The following NFIL3 variants were observed in gnomAD, a reference collection of about 807,000 sequenced individuals.
The protein encoded by NFIL3 is nuclear factor, interleukin 3 regulated, also known as nuclear factor interleukin-3-regulated protein.
A neutral mutation model predicts 10.0 loss-of-function variants in NFIL3; 5 were observed. That is an observed-to-expected ratio of 0.50 (90% CI 0.26 to 1.06). The LOEUF is 1.06. Among genes scored for constraint, NFIL3 ranks in the 50% least tolerant of loss-of-function variants. The pLI is 0.13. For missense variants in NFIL3, 436 were observed against 547.6 expected, an observed-to-expected ratio of 0.80 and a Z score of 2.03; for synonymous variants, 202 against 206.5, an observed-to-expected ratio of 0.98 and a Z score of 0.19.
At chr9:91,436,844 A>T in the NFIL3 span, among the ~76,000 whole-genome samples, 1 of 152,236 alleles carries the variant, frequency 6.6e-6, no homozygotes, top group Non-Finnish European at 1.5e-5. Flanking sequence ...ATAGTCAGTT[A>T]CAATTTCCTA....
chr9:91,455,655 G>A, the NFIL3 span, among the ~76,000 whole-genome samples: 1 of 152,122 alleles, frequency 6.6e-6, no homozygotes, highest in Non-Finnish European at 1.5e-5. Context: ...TTATTGATGT[G>A]TAATTGAATA....
At chr9:91,434,411 G>A in the NFIL3 span, among the ~76,000 whole-genome samples, 3 of 152,088 alleles carry the variant, frequency 2.0e-5, no homozygotes, top group Non-Finnish European at 4.4e-5. Flanking sequence ...ACATCATGTT[G>A]GAATCATTGG....
chr9:91,415,666 T>C (rs1833640678), intron 1 of NFIL3, among the ~76,000 whole-genome samples: 2 of 152,018 alleles, frequency 1.3e-5, no homozygotes, highest in Admixed American at 1.3e-4. Context: ...TTGCTCTTGT[T>C]GCCCAGGCTG....
At chr9:91,421,394 C>T (rs1159193361) in intron 1 of NFIL3, among the ~76,000 whole-genome samples, 4 of 151,946 alleles carry the variant, frequency 2.6e-5, no homozygotes, top group Non-Finnish European at 5.9e-5. Context: ...GGGTGGGCGG[C>T]GCAGCGGGGC....
At chr9:91,478,576 T>G in the NFIL3 span, among the ~76,000 whole-genome samples, 3 of 152,070 alleles carry the variant, frequency 2.0e-5, no homozygotes, top group Non-Finnish European at 4.4e-5. Context: ...TTCCTTGCAT[T>G]GGGTTAGAAC....
chr9:91,456,015 T>G, the NFIL3 span, among the ~76,000 whole-genome samples: 1 of 152,194 alleles, frequency 6.6e-6, no homozygotes, highest in South Asian at 2.1e-4. Flanking sequence ...TGTCTAAAAT[T>G]TCATGTAAGG....
At chr9:91,433,163 G>A in the NFIL3 span, among the ~76,000 whole-genome samples, 2 of 152,192 alleles carry the variant, frequency 1.3e-5, no homozygotes, top group African/African-American at 2.4e-5. Flanking sequence ...AAAAATAGAA[G>A]AATTCAGTAA....
the NFIL3 span, among the ~76,000 whole-genome samples, chr9:91,479,613 C>G: frequency 1.3e-5 from 2 of 152,186 alleles, no homozygotes; most frequent in African/African-American, 4.8e-5. Flanking sequence ...GAGCAAGACC[C>G]CTTGGCTCCC....
At chr9:91,481,431 C>T in the NFIL3 span, among the ~76,000 whole-genome samples, 2 of 152,116 alleles carry the variant, frequency 1.3e-5, no homozygotes. Flanking sequence ...TTTTGAGTCT[C>T]ATTTCATGTA....
the NFIL3 span, among the ~76,000 whole-genome samples, chr9:91,481,613 A>G: frequency 6.6e-6 from 1 of 151,132 alleles, no homozygotes. Context: ...ATATCACCAT[A>G]CTCTTTTCTA....
the NFIL3 span, among the ~76,000 whole-genome samples, chr9:91,444,584 T>A: frequency 1.3e-5 from 2 of 152,170 alleles, no homozygotes; most frequent in African/African-American, 4.8e-5. Flanking sequence ...TGGCTTTTGT[T>A]GGGAAAGATT....
At chr9:91,423,028 C>A (rs1275617720) in intron 1 of NFIL3, among the ~76,000 whole-genome samples, 1 of 152,168 alleles carries the variant, frequency 6.6e-6, no homozygotes, top group Admixed American at 6.5e-5. Flanking sequence ...AATCCCACAA[C>A]CTTCCCGAGG....
the NFIL3 span, among the ~76,000 whole-genome samples, chr9:91,435,006 C>T: frequency 2.6e-5 from 4 of 152,138 alleles, no homozygotes; most frequent in African/African-American, 7.2e-5. Context: ...TAACAGTATC[C>T]GTATGAGCCG....
intron 1 of NFIL3, among the ~76,000 whole-genome samples, chr9:91,416,916 C>T (rs1833668452): frequency 1.3e-5 from 2 of 152,050 alleles, no homozygotes; most frequent in South Asian, 4.1e-4. Context: ...CAAATTTATC[C>T]TTGAGGAGTT....
intron 1 of NFIL3, among the ~76,000 whole-genome samples, chr9:91,416,490 C>T (rs968004355): frequency 3.3e-5 from 5 of 152,210 alleles, no homozygotes; most frequent in Non-Finnish European, 5.9e-5. Flanking sequence ...TTCAAATCAA[C>T]ATCTAATGTT....
the NFIL3 span, among the ~76,000 whole-genome samples, chr9:91,482,460 T>C: frequency 5.6e-4 from 85 of 152,086 alleles, no homozygotes; most frequent in South Asian, 6.2e-4. Context: ...ATGATGATGA[T>C]GATGGTGATT....
chr9:91,440,184 A>G, the NFIL3 span, among the ~76,000 whole-genome samples: 1 of 151,968 alleles, frequency 6.6e-6, no homozygotes. Context: ...TATTTCTTCA[A>G]TCTCTTTGTT....
the NFIL3 span, among the ~76,000 whole-genome samples, chr9:91,448,428 C>T: frequency 6.6e-6 from 1 of 152,164 alleles, no homozygotes; most frequent in Non-Finnish European, 1.5e-5. Flanking sequence ...AAGCCAGGCT[C>T]TTTTTAACAG....
chr9:91,413,822 A>G (rs374874181), intron 1 of NFIL3, among the ~76,000 whole-genome samples: 7 of 152,132 alleles, frequency 4.6e-5, no homozygotes, highest in Non-Finnish European at 8.8e-5. Context: ...TTTAAACATC[A>G]TATGATCCCT....
Sources: gnomAD v4.1 joint callset for allele counts (sites outside exome capture counted in the v4.1 genomes callset) on GRCh38, gnomAD v4.1.1 for gene constraint, MANE v1.5 for transcripts, NCBI Gene and HGNC (gene_info 2026-07-23, HGNC 2026-07-21) for gene names.